The following TENT5D variants were observed in gnomAD, a reference collection of about 807,000 sequenced individuals.
TENT5D encodes cancer/testis antigen 112.
For missense variants in TENT5D, 191 were observed against 287.0 expected, an observed-to-expected ratio of 0.67 and a Z score of 2.42; for synonymous variants, 103 against 100.6, an observed-to-expected ratio of 1.02 and a Z score of -0.15.
chrX:80,344,388 A>G (rs1311608068), intron 3 of TENT5D, among the ~76,000 whole-genome samples: 3 of 111,115 alleles, frequency 2.7e-5, no homozygotes, highest in Admixed American at 1.9e-4. Flanking sequence ...TGCTTTCCAC[A>G]GTGGCTGAAC....
At chrX:80,351,742 A>G (rs187795720) in intron 3 of TENT5D, among the ~76,000 whole-genome samples, 3 of 110,523 alleles carry the variant, frequency 2.7e-5, no homozygotes, top group Non-Finnish European at 3.8e-5. Context: ...CGGTTTTTGG[A>G]ATTTTCAGTC....
intron 3 of TENT5D, among the ~76,000 whole-genome samples, chrX:80,347,511 T>C (rs1445785282): frequency 8.9e-6 from 1 of 112,141 alleles, no homozygotes; most frequent in Non-Finnish European, 1.9e-5. Context: ...CACTTTTTGA[T>C]GGGGTTGTTT....
chrX:80,364,281 C>T (rs1930464128), intron 3 of TENT5D, among the ~76,000 whole-genome samples: 1 of 111,535 alleles, frequency 9.0e-6, no homozygotes, highest in African/African-American at 3.3e-5. Flanking sequence ...CACCCATACA[C>T]ACACACACTT....
intron 3 of TENT5D, among the ~76,000 whole-genome samples, chrX:80,398,261 C>T (rs1481017851): frequency 9.0e-6 from 1 of 111,490 alleles, no homozygotes; most frequent in Non-Finnish European, 1.9e-5. Context: ...TTTTTGTTTG[C>T]TGTTGAGATA....
At chrX:80,396,318 C>A (rs1382893186) in intron 3 of TENT5D, among the ~76,000 whole-genome samples, 3 of 108,985 alleles carry the variant, frequency 2.8e-5, no homozygotes, top group Non-Finnish European at 5.7e-5. Flanking sequence ...GTGTTTCTCA[C>A]AGAGGGGGAT....
chrX:80,416,457 C>G (rs926483878), upstream of TENT5D, among the ~76,000 whole-genome samples: 1 of 107,603 alleles, frequency 9.3e-6, no homozygotes, highest in African/African-American at 3.4e-5. Flanking sequence ...TTTAACACTG[C>G]TTTAGTTGTG....
intron 3 of TENT5D, among the ~76,000 whole-genome samples, chrX:80,397,789 C>T (rs1366707264): frequency 2.7e-5 from 3 of 112,356 alleles, no homozygotes; most frequent in Non-Finnish European, 3.8e-5. Flanking sequence ...ACAAGTCAGG[C>T]GTGGCGGCGC....
chrX:80,415,325 A>G, intron 3 of TENT5D, among the ~76,000 whole-genome samples: 1 of 110,974 alleles, frequency 9.0e-6, no homozygotes, highest in East Asian at 2.8e-4. Context: ...TCTAGCTAGG[A>G]CTGCCAGTAC....
intron 3 of TENT5D, among the ~76,000 whole-genome samples, chrX:80,370,887 G>GA (rs1399072297): frequency 4.5e-5 from 5 of 111,733 alleles, no homozygotes; most frequent in Non-Finnish European, 7.5e-5. Context: ...TTAACAATAT[G>GA]AAAAAATATG....
intron 3 of TENT5D, among the ~76,000 whole-genome samples, chrX:80,396,523 G>A (rs1348869359): frequency 9.1e-6 from 1 of 110,470 alleles, no homozygotes; most frequent in Non-Finnish European, 1.9e-5. Flanking sequence ...AGCACATCTT[G>A]CACCGCCCTT....
chrX:80,440,798 A>G (rs979533164), intron 2 of TENT5D, among the ~76,000 whole-genome samples: 4 of 111,393 alleles, frequency 3.6e-5, no homozygotes, highest in African/African-American at 1.3e-4. Context: ...ATATTTAAAA[A>G]ATATTTATTA....
At chrX:80,441,478 C>A (rs1932281415) in intron 2 of TENT5D, among the ~76,000 whole-genome samples, 1 of 111,046 alleles carries the variant, frequency 9.0e-6, no homozygotes, top group Non-Finnish European at 1.9e-5. Flanking sequence ...TGAATACTGT[C>A]CACACAAATC....
rs979893532 is a variant in TENT5D, at chrX:80,409,127, C to A, written c.-141-29483C>A. On this transcript the variant is annotated intron_variant, in intron 3 of 4. Coordinates refer to the TENT5D transcript ENST00000538312. Reference sequence around the variant, plus strand: ...AATAATAAGAGCTATCTATGACAAACCCACAGCCAATATCATACTGAATGG... The same window carrying A: ...AATAATAAGAGCTATCTATGACAAAACCACAGCCAATATCATACTGAATGG... Among the ~76,000 whole-genome samples, 6 of 109,280 alleles carry A rather than the reference C, an allele frequency of 5.5e-5. 1 individual carries two copies. The highest frequency in any genetic ancestry group is 2.0e-4 in the African/African-American group (6 of 30,059). The allele number at this position is 109,280 out of a possible 115,157, so 94.9% of individuals were successfully genotyped here. A position where few individuals can be genotyped will look rare whatever the true frequency, so the allele number is the denominator to read the frequency against.
chrX:80,444,827 G>A (rs936976093), exon 3 of TENT5D: 1 of 121,967 alleles, frequency 8.2e-6, no homozygotes, highest in South Asian at 3.8e-4. Context: ...TTACTACATC[G>A]AGTATACTGC....
chrX:80,357,704 G>A (rs936295227), intron 3 of TENT5D, among the ~76,000 whole-genome samples: 1 of 111,051 alleles, frequency 9.0e-6, no homozygotes, highest in Non-Finnish European at 1.9e-5. Flanking sequence ...CTCATGGGTA[G>A]GAAGAATCAA....
chrX:80,366,990 G>C (rs1353672276), intron 3 of TENT5D, among the ~76,000 whole-genome samples: 1 of 111,487 alleles, frequency 9.0e-6, no homozygotes, highest in Non-Finnish European at 1.9e-5. Flanking sequence ...CATGAAAGAT[G>C]TAGGACTTTC....
At chrX:80,407,429 A>G (rs1468303389) in intron 3 of TENT5D, among the ~76,000 whole-genome samples, 1 of 109,365 alleles carries the variant, frequency 9.1e-6, no homozygotes, top group Non-Finnish European at 1.9e-5. Flanking sequence ...ATGGAAAACA[A>G]AAAAAGGCAG....
chrX:80,397,878 A>G (rs1470614338), intron 3 of TENT5D, among the ~76,000 whole-genome samples: 1 of 111,804 alleles, frequency 8.9e-6, no homozygotes, highest in Non-Finnish European at 1.9e-5. Context: ...AGATGGCAGC[A>G]GTACAGTCCA....
chrX:80,437,967 T>C (rs1008814582), intron 1 of TENT5D, among the ~76,000 whole-genome samples: 4 of 111,594 alleles, frequency 3.6e-5, no homozygotes, highest in Non-Finnish European at 3.8e-5. Flanking sequence ...TAGAAAGACT[T>C]TCTACTGGCC....
Sources: allele counts gnomAD v4.1 joint callset (sites outside exome capture counted in the v4.1 genomes callset), GRCh38; gene constraint gnomAD v4.1.1; transcripts MANE v1.5; gene names NCBI Gene and HGNC (gene_info 2026-07-23, HGNC 2026-07-21).